The following INTS14 variants were observed in gnomAD, a reference collection of about 807,000 sequenced individuals.
The protein encoded by INTS14 is UPF0464 protein C15orf44.
Under a neutral mutation model 56.9 loss-of-function variants are expected in INTS14, and 27 were observed. That is an observed-to-expected ratio of 0.47 (90% CI 0.35 to 0.65). The LOEUF is 0.65. Ranked by LOEUF, INTS14 falls within the 30% of genes least tolerant of loss-of-function variation. The probability of loss-of-function intolerance (pLI) is 0.00; values close to 1 mark genes in which losing one functional copy is unlikely to be tolerated. For synonymous variants in INTS14, 207 were observed against 236.2 expected, an observed-to-expected ratio of 0.88 and a Z score of 1.13; for missense variants, 517 against 632.2, an observed-to-expected ratio of 0.82 and a Z score of 1.95.
At chr15:65,580,331 C>T (rs552753046) in intron 11 of INTS14, among the ~76,000 whole-genome samples, 50 of 152,242 alleles carry the variant, frequency 3.3e-4, no homozygotes, top group African/African-American at 1.2e-3. Flanking sequence ...TAATATGTAG[C>T]ATTATATAAA....
intron 5 of INTS14, 83 bp downstream of exon 5, chr15:65,598,789 C>T: frequency 1.8e-6 from 2 of 1,106,190 alleles, no homozygotes; most frequent in South Asian, 1.5e-5. Context: ...CAATTAGGAA[C>T]AGTAAAACAG....
intron 3 of INTS14, among the ~76,000 whole-genome samples, chr15:65,604,581 T>A (rs1256058009): frequency 3.3e-5 from 5 of 151,784 alleles, no homozygotes; most frequent in Admixed American, 1.3e-4. Flanking sequence ...ATGTAAAAAA[T>A]TAGCCAGGTA....
At chr15:65,603,735 G>A (rs1210597422) in intron 3 of INTS14, among the ~76,000 whole-genome samples, 2 of 152,146 alleles carry the variant, frequency 1.3e-5, no homozygotes, top group African/African-American at 2.4e-5. Flanking sequence ...ATGGCCCACA[G>A]GCTAAATTTG....
rs765238630 is a variant in INTS14 at position 65,607,474 on chromosome 15, T to C, written c.-62-32A>G. 1.4e-5 allele frequency: 22 copies of C among 1,539,878 alleles called. 1 individual carries two copies. The highest frequency in any genetic ancestry group is 3.4e-4 in the Middle Eastern group (2 of 5,922). On this transcript the variant is annotated intron_variant, in intron 1 of 11. Coordinates refer to ENST00000313182, the MANE Select transcript of INTS14 (RefSeq NM_001394796.1). ...AAAATAAATACGTTCTTACATGTCA[T>C]GGAGAGAAAATAATATTTTTCACCA...
chr15:65,593,724 C>A, intron 7 of INTS14, 152 bp from the exon 8 acceptor site: 1 of 900,540 alleles, frequency 1.1e-6, no homozygotes. Flanking sequence ...TCCAGTTTTC[C>A]AATATCTACA....
intron 8 of INTS14, 59 bp from the exon 9 acceptor site, chr15:65,591,790 A>T: frequency 6.3e-7 from 1 of 1,585,094 alleles, no homozygotes; most frequent in African/African-American, 1.3e-5. Context: ...GTCAAGTTAA[A>T]TAAGTCTAGC....
At position 65,593,443 on chromosome 15, in the gene INTS14, G is replaced by A. The variant is rs771085186; in HGVS notation, c.971C>T (p.Ala324Val). ...HGSLKVEGMV[A>V]IVQLGPEWHG... is the part of the protein sequence containing the mutation. ...AGTTTCCTACCCTAATTGAACAATCGCTACCATTCCTTCCACTTTTAGGCT... is the reference window on the plus strand; with the variant it reads ...AGTTTCCTACCCTAATTGAACAATCACTACCATTCCTTCCACTTTTAGGCT... Residue 324 changes from alanine to valine, a missense_variant, in exon 8 of 12, where the codon GCG (alanine) becomes GTG (valine). Coordinates refer to ENST00000313182, the MANE Select transcript of INTS14 (RefSeq NM_001394796.1). The A allele has an allele frequency of 2.2e-5, 36 of 1,610,662 alleles. No individual in the cohort carries two copies. The highest frequency in any genetic ancestry group is 5.0e-5 in the Admixed American group (3 of 59,420).
chr15:65,607,509 C>T (rs1477855400), intron 1 of INTS14, 67 bp from the exon 2 acceptor site: 32 of 1,481,058 alleles, frequency 2.2e-5, no homozygotes, highest in Non-Finnish European at 2.7e-5. Flanking sequence ...ATAACTTTAA[C>T]TAACTTCTCA....
rs566245451 is a variant in INTS14, at chr15:65,607,498, C to T, written c.-62-56G>A. Reference sequence around the variant, plus strand: ...ATGGAGAGAAAATAATATTTTTCACCATAACTTTAACTAACTTCTCAGAAA... The same window carrying T: ...ATGGAGAGAAAATAATATTTTTCACTATAACTTTAACTAACTTCTCAGAAA... On this transcript the variant is annotated intron_variant, in intron 1 of 11. Coordinates refer to ENST00000313182, the MANE Select transcript of INTS14 (RefSeq NM_001394796.1). The T allele has an allele frequency of 3.5e-4, 529 of 1,500,276 alleles. 4 individuals carry two copies. The South Asian group carries it at 4.2e-3, about 12-fold the overall frequency. The allele number at this position is 1,500,276 out of a possible 1,614,324, so 92.9% of individuals were successfully genotyped here.
At chr15:65,607,469 T>C (rs1177975981) in intron 1 of INTS14, 27 bp from the exon 2 acceptor site, 2 of 1,547,382 alleles carry the variant, frequency 1.3e-6, no homozygotes, top group African/African-American at 1.4e-5. Context: ...CGTTCTTACA[T>C]GTCATGGAGA....
rs1715803636 is a variant in INTS14 at position 65,609,598 on chromosome 15, AC to A, written c.-63+1499del. Among the ~76,000 whole-genome samples, 3 of 152,320 alleles carry A rather than the reference AC, an allele frequency of 2.0e-5. No homozygotes were observed. In the South Asian group the frequency reaches 6.2e-4, roughly 32 times the overall value. ...GAACTACCCCTAAATCACCAGATATACCATATATTATTTAGCAAAATACATT... is the reference window on the plus strand; with the variant it reads ...GAACTACCCCTAAATCACCAGATATACATATATTATTTAGCAAAATACATT... On this transcript the variant is annotated intron_variant, in intron 1 of 11. Transcript: ENST00000313182.
At chr15:65,587,560 G>T (rs760288237) in intron 9 of INTS14, among the ~76,000 whole-genome samples, 3 of 152,166 alleles carry the variant, frequency 2.0e-5, no homozygotes, top group Non-Finnish European at 2.9e-5. Flanking sequence ...TAACCAAAAA[G>T]AACATTATAA....
At chr15:65,596,758 CG>C (rs925288198) in intron 6 of INTS14, among the ~76,000 whole-genome samples, 3 of 151,970 alleles carry the variant, frequency 2.0e-5, no homozygotes, top group Non-Finnish European at 4.4e-5. Context: ...TTAGTAGAAA[CG>C]GGGTTTCTCC....
intron 3 of INTS14, among the ~76,000 whole-genome samples, chr15:65,601,812 G>A (rs2073444556): frequency 6.6e-6 from 1 of 152,168 alleles, no homozygotes; most frequent in Non-Finnish European, 1.5e-5. Flanking sequence ...GCTATACAAT[G>A]ATTTACCTCC....
At position 65,597,961 on chromosome 15, in the gene INTS14, C is replaced by T. The variant is rs189523953; in HGVS notation, c.748+360G>A. Among the ~76,000 whole-genome samples, 201 of 152,162 alleles carry T rather than the reference C, an allele frequency of 1.3e-3. 1 individual carries two copies. The highest frequency in any genetic ancestry group is 0.012 in the Admixed American group (182 of 15,268). ...TCCAAAGTGCTGATGACAACAGCAC[C>T]CTAGTACAGGTTGAGTATCCCCTAT... is the stretch of plus-strand genomic sequence containing the variant. On this transcript the variant is annotated intron_variant, in intron 6 of 11. Transcript: ENST00000313182.
rs544361289 is a variant in INTS14, at chr15:65,608,264, C to T, written c.-62-822G>A. On this transcript the variant is annotated intron_variant, in intron 1 of 11. Transcript: ENST00000313182. ...GGTGGCTACTTGGGAGGCTGAGGCA[C>T]GAAGATCCCTTGAACACAGGAGGTG... 1.6e-4 allele frequency among the ~76,000 whole-genome samples: 24 copies of T among 148,030 alleles called. No homozygotes were observed. In the South Asian group the frequency reaches 2.1e-3, roughly 13 times the overall value.
chr15:65,598,279 G>C lies in INTS14; in HGVS notation c.748+42C>G. ...AAGTCACAAGTCAGAAGAAAGTAAG[G>C]ATAACAGAGAAACTAAGAAATAAGT... On this transcript the variant is annotated intron_variant, in intron 6 of 11. Transcript: ENST00000313182. 5 of 1,575,090 alleles carry C rather than the reference G, an allele frequency of 3.2e-6. No individual in the cohort carries two copies. In the South Asian group the frequency reaches 4.5e-5, roughly 14 times the overall value.
intron 9 of INTS14, among the ~76,000 whole-genome samples, chr15:65,589,216 G>A (rs749016363): frequency 7.9e-5 from 12 of 152,218 alleles, no homozygotes; most frequent in African/African-American, 1.4e-4. Context: ...GGAGTGCAGC[G>A]ATGCAATCAG....
At chr15:65,588,407 G>A (rs919483804) in intron 9 of INTS14, among the ~76,000 whole-genome samples, 4 of 151,988 alleles carry the variant, frequency 2.6e-5, no homozygotes, top group Non-Finnish European at 5.9e-5. Context: ...GCTCACGCCT[G>A]TAATCCCAGC....
Sources: gnomAD v4.1 joint callset for allele counts (sites outside exome capture counted in the v4.1 genomes callset) on GRCh38, gnomAD v4.1.1 for gene constraint, MANE v1.5 for transcripts, NCBI Gene and HGNC (gene_info 2026-07-23, HGNC 2026-07-21) for gene names.